CCDC91: variants seen among roughly 807,000 people sequenced by gnomAD.
The protein encoded by CCDC91 is coiled-coil domain-containing protein 91.
CCDC91 carries 48 observed loss-of-function variants against 63.2 expected under a neutral mutation model. The ratio of observed to expected loss-of-function variants is 0.76; its 90% CI spans 0.60 to 0.97. The LOEUF is 0.97. CCDC91 is among the 50% of genes least tolerant of loss of function. CCDC91 has a pLI of 0.00. For missense variants in CCDC91, 500 were observed against 494.6 expected, an observed-to-expected ratio of 1.01 and a Z score of -0.10; for synonymous variants, 167 against 165.8, an observed-to-expected ratio of 1.01 and a Z score of -0.06.
intron 1 of CCDC91, among the ~76,000 whole-genome samples, chr12:28,200,233 A>G (rs1942111262): frequency 7.3e-6 from 1 of 136,218 alleles, no homozygotes; most frequent in South Asian, 2.3e-4. Context: ...GAACTCTTCT[A>G]GTGAATTTTT....
chr12:28,450,257 A>G lies in CCDC91; in HGVS notation c.855+4A>G, dbSNP rs748524066. On this transcript the variant is annotated splice_donor_region_variant and intron_variant, in intron 9 of 12. Transcript: ENST00000536442. ...TCAGCAATCTCAAGAACAGAAGGTA[A>G]TACTTTAACTGTGCTCAGAGTGTAG... 6.3e-7 allele frequency: 1 copy of G among 1,596,688 alleles called. No homozygotes were observed. Among genetic ancestry groups the G allele is most frequent in the Non-Finnish European group, 8.6e-7 (1 of 1,164,998 alleles).
chr12:28,226,383 C>T lies in CCDC91; in HGVS notation c.-14-30819C>T, dbSNP rs138248609. On this transcript the variant is annotated intron_variant, in intron 1 of 12. Coordinates refer to ENST00000536442, the MANE Select transcript of CCDC91 (RefSeq NM_018318.5). ...TTAAATTCTGTGGATTCTATTTGTT[C>T]CTTATCCTCTTTGACCTCTATGACA... Among the ~76,000 whole-genome samples the T allele has an allele frequency of 3.9e-3, 593 of 152,208 alleles. 6 individuals are homozygous for T. The highest frequency in any genetic ancestry group is 6.4e-3 in the Non-Finnish European group (434 of 67,994).
chr12:28,277,203 C>T (rs897260613), intron 3 of CCDC91, among the ~76,000 whole-genome samples: 1 of 151,916 alleles, frequency 6.6e-6, no homozygotes, highest in African/African-American at 2.4e-5. Flanking sequence ...AACTGACCTT[C>T]TTCATAGTAT....
chr12:28,241,535 T>G (rs1945334745), intron 1 of CCDC91, among the ~76,000 whole-genome samples: 1 of 152,122 alleles, frequency 6.6e-6, no homozygotes, highest in African/African-American at 2.4e-5. Context: ...TCTCAGGTAA[T>G]CTAATCTGTC....
At chr12:28,279,823 T>C (rs1053688251) in intron 3 of CCDC91, among the ~76,000 whole-genome samples, 6 of 152,144 alleles carry the variant, frequency 3.9e-5, no homozygotes, top group Non-Finnish European at 4.4e-5. Flanking sequence ...GTAAAGCATA[T>C]TCTCATGGTG....
chr12:28,478,951 T>C (rs530814233), intron 11 of CCDC91, among the ~76,000 whole-genome samples: 1 of 151,946 alleles, frequency 6.6e-6, no homozygotes, highest in South Asian at 2.1e-4. Flanking sequence ...TTCATTAAAA[T>C]ATCGGGAAAC....
At chr12:28,257,076 TA>T (rs1946504257) in intron 1 of CCDC91, 125 bp from the exon 2 acceptor site, 2 of 550,660 alleles carry the variant, frequency 3.6e-6, no homozygotes, top group Non-Finnish European at 3.1e-6. Context: ...CTTTTTTGCA[TA>T]AAAAATGCAT....
intron 1 of CCDC91, among the ~76,000 whole-genome samples, chr12:28,254,728 A>G (rs2136138048): frequency 6.6e-6 from 1 of 151,792 alleles, no homozygotes; most frequent in South Asian, 2.1e-4. Context: ...GTTTTTTTAA[A>G]CGTATTAATA....
At chr12:28,265,381 T>A (rs1592141789) in intron 3 of CCDC91, among the ~76,000 whole-genome samples, 1 of 152,018 alleles carries the variant, frequency 6.6e-6, no homozygotes, top group Admixed American at 6.6e-5. Context: ...GAAGGAATAA[T>A]GGGAATTGGA....
intron 8 of CCDC91, among the ~76,000 whole-genome samples, chr12:28,417,886 A>G (rs1214077999): frequency 6.6e-6 from 1 of 152,012 alleles, no homozygotes; most frequent in African/African-American, 2.4e-5. Context: ...TATGTTGTAT[A>G]TTTATTCATA....
chr12:28,218,027 TAGTTTGG>T (rs1177664642), intron 1 of CCDC91, among the ~76,000 whole-genome samples: 4 of 152,190 alleles, frequency 2.6e-5, no homozygotes, highest in Non-Finnish European at 5.9e-5. Flanking sequence ...ATTCATTTTC[TAGTTTGG>T]TGACTCCTTG....
At chr12:28,255,589 C>T (rs989699572) in intron 1 of CCDC91, 7 of 152,094 alleles carry the variant, frequency 4.6e-5, no homozygotes, top group African/African-American at 7.2e-5. Flanking sequence ...AGGTGCTATA[C>T]GTGGATGACC....
intron 11 of CCDC91, among the ~76,000 whole-genome samples, chr12:28,462,827 A>T (rs1398987229): frequency 1.3e-5 from 2 of 152,042 alleles, no homozygotes; most frequent in Non-Finnish European, 2.9e-5. Flanking sequence ...CTATGAGCAC[A>T]TTTGAGGAGT....
intron 8 of CCDC91, among the ~76,000 whole-genome samples, chr12:28,441,424 A>C (rs1949203179): frequency 1.3e-5 from 2 of 152,064 alleles, no homozygotes; most frequent in South Asian, 4.1e-4. Context: ...CACAGTAGCC[A>C]ATAACTGGAA....
At chr12:28,472,553 T>C (rs1950873629) in intron 11 of CCDC91, among the ~76,000 whole-genome samples, 1 of 152,216 alleles carries the variant, frequency 6.6e-6, no homozygotes, top group African/African-American at 2.4e-5. Flanking sequence ...TATTTAAAGC[T>C]AGTTATACCT....
At chr12:28,214,696 T>C (rs1212358116) in intron 1 of CCDC91, among the ~76,000 whole-genome samples, 6 of 152,192 alleles carry the variant, frequency 3.9e-5, no homozygotes, top group Admixed American at 3.3e-4. Flanking sequence ...ATCATAGTGT[T>C]TAAATTACAG....
At chr12:28,462,527 C>A (rs1162730466) in intron 11 of CCDC91, among the ~76,000 whole-genome samples, 1 of 151,774 alleles carries the variant, frequency 6.6e-6, no homozygotes, top group African/African-American at 2.4e-5. Flanking sequence ...CTAGTGTGTA[C>A]CCATAGAATA....
intron 1 of CCDC91, among the ~76,000 whole-genome samples, chr12:28,208,856 A>G (rs1450801456): frequency 6.6e-6 from 1 of 152,122 alleles, no homozygotes; most frequent in South Asian, 2.1e-4. Flanking sequence ...GCTGGAGTGC[A>G]GTGGCATGAT....
chr12:28,346,940 A>T (rs897763328), intron 6 of CCDC91, among the ~76,000 whole-genome samples: 5 of 152,152 alleles, frequency 3.3e-5, no homozygotes, highest in Admixed American at 2.6e-4. Flanking sequence ...CCCTGAACCT[A>T]TCAGGCAAAA....
Sources: gnomAD v4.1 joint callset for allele counts (sites outside exome capture counted in the v4.1 genomes callset) on GRCh38, gnomAD v4.1.1 for gene constraint, MANE v1.5 for transcripts, NCBI Gene and HGNC (gene_info 2026-07-23, HGNC 2026-07-21) for gene names.